Variants in IL1RAPL2 observed in about 807,000 individuals in gnomAD.
IL1RAPL2 encodes the protein interleukin 1 receptor accessory protein like 2.
Under a neutral mutation model 44.1 loss-of-function variants are expected in IL1RAPL2, and 3 were observed. The ratio of observed to expected loss-of-function variants is 0.07; its 90% CI spans 0.03 to 0.18. The LOEUF (loss-of-function observed/expected upper bound fraction) is 0.18. IL1RAPL2 is among the 10% of genes least tolerant of loss of function. The pLI is 1.00. For missense variants in IL1RAPL2, 391 were observed against 496.4 expected, an observed-to-expected ratio of 0.79 and a Z score of 2.02; for synonymous variants, 181 against 178.8, an observed-to-expected ratio of 1.01 and a Z score of -0.10.
chrX:105,233,605 G>GATAGA (rs1556198250), intron 3 of IL1RAPL2, among the ~76,000 whole-genome samples: 3 of 112,032 alleles, frequency 2.7e-5, no homozygotes, highest in Non-Finnish European at 5.6e-5. Context: ...GTAGCTCTGT[G>GATAGA]GCTACCTCAT....
chrX:105,563,251 A>G (rs1050156022), intron 6 of IL1RAPL2, among the ~76,000 whole-genome samples: 1 of 112,075 alleles, frequency 8.9e-6, no homozygotes, highest in Non-Finnish European at 1.9e-5. Flanking sequence ...TGGGCACAAG[A>G]GAAGTTAACT....
intron 5 of IL1RAPL2, among the ~76,000 whole-genome samples, chrX:105,403,222 A>G (rs993405927): frequency 9.0e-6 from 1 of 111,247 alleles, no homozygotes; most frequent in African/African-American, 3.3e-5. Flanking sequence ...GAATAGCATC[A>G]TTTTTTTTAA....
rs7050641 is a variant in IL1RAPL2 at position 105,520,927 on chromosome X, T to C, written c.772+36540T>C. Among the ~76,000 whole-genome samples, 355 of 54,115 alleles carry C rather than the reference T, an allele frequency of 6.6e-3. 3 individuals are homozygous for C. Among genetic ancestry groups the C allele is most frequent in the African/African-American group, 0.055 (245 of 4,452 alleles). The allele number at this position is 54,115 out of a possible 115,157, so 47.0% of individuals were successfully genotyped here. ...ATTATAGCTATTTCTTTCTTTCTTT[T>C]TTTTTTTTTTTTTTTTTTTTTTTTT... On this transcript the variant is annotated intron_variant, in intron 6 of 10. Transcript: ENST00000372582.
chrX:105,761,359 G>C (rs940788076), intron 10 of IL1RAPL2, among the ~76,000 whole-genome samples: 1 of 109,271 alleles, frequency 9.2e-6, no homozygotes, highest in African/African-American at 3.3e-5. Flanking sequence ...AAAATCTTTA[G>C]CAACATCAGC....
intron 6 of IL1RAPL2, among the ~76,000 whole-genome samples, chrX:105,703,496 T>C (rs1255488689): frequency 9.0e-6 from 1 of 111,446 alleles, no homozygotes; most frequent in East Asian, 2.8e-4. Flanking sequence ...TCTCACAATG[T>C]AAGGGCCACA....
chrX:105,433,276 T>A (rs2035860259), intron 5 of IL1RAPL2, among the ~76,000 whole-genome samples: 2 of 111,099 alleles, frequency 1.8e-5, no homozygotes, highest in Non-Finnish European at 3.8e-5. Flanking sequence ...ATTTAGCTAG[T>A]TCCATTGATC....
chrX:105,531,445 G>A (rs1033790755), intron 6 of IL1RAPL2, among the ~76,000 whole-genome samples: 2 of 111,532 alleles, frequency 1.8e-5, no homozygotes, highest in Non-Finnish European at 3.8e-5. Flanking sequence ...TGTATATTTT[G>A]GTTATTAATC....
chrX:105,234,077 T>A lies in IL1RAPL2; in HGVS notation c.543+73T>A, dbSNP rs1556198825. ...GTCTTGGGGATGAGGAAAGGGAGAT[T>A]TTTTTACTAGTTTTTGGTATTAGAT... is the stretch of plus-strand genomic sequence containing the variant. On this transcript the variant is annotated intron_variant, in intron 4 of 10. Transcript: ENST00000372582. 7 of 843,166 alleles carry A rather than the reference T, an allele frequency of 8.3e-6. No homozygotes were observed. The South Asian group carries it at 1.4e-4, about 17-fold the overall frequency. The allele number at this position is 843,166 out of a possible 1,213,427, so 69.5% of individuals were successfully genotyped here. A position where few individuals can be genotyped will look rare whatever the true frequency, so the allele number is the denominator to read the frequency against.
At chrX:104,723,743 T>C (rs185271307) in intron 2 of IL1RAPL2, among the ~76,000 whole-genome samples, 1 of 111,114 alleles carries the variant, frequency 9.0e-6, no homozygotes, top group African/African-American at 3.3e-5. Context: ...TTCGTTTGTG[T>C]TTGGAGTTTC....
chrX:104,975,614 C>T (rs770245578), intron 2 of IL1RAPL2, among the ~76,000 whole-genome samples: 1 of 112,451 alleles, frequency 8.9e-6, no homozygotes, highest in South Asian at 3.7e-4. Flanking sequence ...GAAAACTGGC[C>T]AAATTTGTCC....
rs2035174377 is a variant in IL1RAPL2, at chrX:105,353,470, A to G, written c.697+85929A>G. Among the ~76,000 whole-genome samples, 3 of 111,769 alleles carry G rather than the reference A, an allele frequency of 2.7e-5. No homozygotes were observed. The Admixed American group carries it at 2.9e-4, about 11-fold the overall frequency. On this transcript the variant is annotated intron_variant, in intron 5 of 10. Transcript: ENST00000372582. ...TAGTTTTTTTCCAATTCTGTGAAGAAAGTCATTGGAAGCTTGATGGGGATA... is the reference window on the plus strand; with the variant it reads ...TAGTTTTTTTCCAATTCTGTGAAGAGAGTCATTGGAAGCTTGATGGGGATA...
intron 5 of IL1RAPL2, among the ~76,000 whole-genome samples, chrX:105,391,367 T>G (rs748626246): frequency 9.1e-6 from 1 of 109,523 alleles, no homozygotes; most frequent in East Asian, 2.9e-4. Context: ...AAGAAGACAT[T>G]TATGCAGCCA....
chrX:105,439,397 C>T (rs1189331865), intron 5 of IL1RAPL2, among the ~76,000 whole-genome samples: 2 of 110,288 alleles, frequency 1.8e-5, no homozygotes, highest in African/African-American at 6.6e-5. Flanking sequence ...GTCCAAATTG[C>T]CCCTTGGGCA....
Position 104,634,861 on chromosome X carries a change from A to G in IL1RAPL2, c.-19-24034A>G, listed in dbSNP as rs966392199. On this transcript the variant is annotated intron_variant, in intron 1 of 10. Coordinates refer to ENST00000372582, the MANE Select transcript of IL1RAPL2 (RefSeq NM_017416.2). Reference sequence around the variant, plus strand: ...ATTTACATTTAAGGTTAATATTATTATTTGTGAATTTGATCCTGTCATTAT... The same window carrying G: ...ATTTACATTTAAGGTTAATATTATTGTTTGTGAATTTGATCCTGTCATTAT... Among the ~76,000 whole-genome samples the G allele has an allele frequency of 2.7e-5, 3 of 111,522 alleles. No individual in the cohort carries two copies. In the South Asian group the frequency reaches 1.1e-3, roughly 42 times the overall value.
At chrX:104,648,502 A>T (rs750026840) in intron 1 of IL1RAPL2, among the ~76,000 whole-genome samples, 1 of 112,477 alleles carries the variant, frequency 8.9e-6, no homozygotes, top group Admixed American at 9.4e-5. Context: ...GTGTACATTA[A>T]ATTTTGAGAA....
intron 2 of IL1RAPL2, among the ~76,000 whole-genome samples, chrX:105,029,872 T>C (rs1216041211): frequency 9.0e-6 from 1 of 111,455 alleles, no homozygotes. Flanking sequence ...CCACCAACAG[T>C]GTAAAAGTGT....
intron 5 of IL1RAPL2, among the ~76,000 whole-genome samples, chrX:105,467,497 C>G (rs907095355): frequency 1.8e-5 from 2 of 111,697 alleles, no homozygotes. Flanking sequence ...TTAGATTCTA[C>G]TACATATAAC....
chrX:105,038,647 T>C (rs1011705553), intron 2 of IL1RAPL2, among the ~76,000 whole-genome samples: 2 of 110,951 alleles, frequency 1.8e-5, no homozygotes, highest in Non-Finnish European at 3.8e-5. Context: ...TCATCGCCTA[T>C]GTAATAAGCA....
At chrX:104,597,362 AAAGAG>A (rs1405353009) in intron 1 of IL1RAPL2, among the ~76,000 whole-genome samples, 6 of 109,712 alleles carry the variant, frequency 5.5e-5, no homozygotes, top group Admixed American at 2.9e-4. Context: ...AAAAAAAAAA[AAAGAG>A]AGAGACATGA....
Sources: allele counts gnomAD v4.1 joint callset (sites outside exome capture counted in the v4.1 genomes callset), GRCh38; gene constraint gnomAD v4.1.1; transcripts MANE v1.5; gene names NCBI Gene and HGNC (gene_info 2026-07-23, HGNC 2026-07-21).